The following OTOG variants were observed in gnomAD, a reference collection of about 807,000 sequenced individuals.
OTOG encodes the protein otogelin.
OTOG carries 296 observed loss-of-function variants against 313.8 expected under a neutral mutation model. The observed-to-expected ratio is 0.94, with a 90% CI of 0.86 to 1.04. The LOEUF (loss-of-function observed/expected upper bound fraction) is 1.04, where lower values mean the gene tolerates loss of function less well. Ranked by LOEUF, OTOG falls within the 50% of genes least tolerant of loss-of-function variation. OTOG has a pLI of 0.00. For missense variants in OTOG, 3,948 were observed against 3,840.1 expected (o/e 1.03, Z -0.74); for synonymous variants, 1,533 against 1,554.9 (o/e 0.99, Z 0.33).
chr11:17,634,501 C>T (rs1156886773), intron 44 of OTOG, among the ~76,000 whole-genome samples: 1 of 151,908 alleles, frequency 6.6e-6, no homozygotes, highest in Non-Finnish European at 1.5e-5. Flanking sequence ...GGCCACTCTT[C>T]CTCCCCCACC....
rs780409247 is a variant in OTOG at position 17,593,328 on chromosome 11, G to A, written c.3141+1G>A. 6.4e-7 allele frequency: 1 copy of A among 1,550,542 alleles called. No individual in the cohort carries two copies. The highest frequency in any genetic ancestry group is 8.7e-7 in the Non-Finnish European group (1 of 1,146,940). On this transcript the variant is annotated splice_donor_variant, in intron 26 of 55. Coordinates refer to ENST00000399397, the MANE Select transcript of OTOG (RefSeq NM_001292063.2). LOFTEE classifies it high-confidence loss of function. ...CTTTGATGATGACTCCGGAAATCCT[G>A]TAAGGCTCAGTGCCTGTGAAGGTTG...
At chr11:17,609,312 G>A (rs1853466231) in intron 35 of OTOG, 103 bp downstream of exon 35, 1 of 1,056,110 alleles carries the variant, frequency 9.5e-7, no homozygotes, top group South Asian at 1.5e-5. Context: ...AGAGAAGCAA[G>A]ATCAGCACAG....
At position 17,606,015 on chromosome 11, in the gene OTOG, GT is replaced by G. The variant is rs1192250435; in HGVS notation, c.4037del (p.Val1346GlyfsTer81). 11 of 1,550,576 alleles carry G rather than the reference GT, an allele frequency of 7.1e-6. No homozygotes were observed. In the East Asian group the frequency reaches 2.7e-4, roughly 38 times the overall value. On this transcript the variant is annotated frameshift_variant, in exon 33 of 56. Transcript: ENST00000399397. LOFTEE classifies it high-confidence loss of function. The stretch of plus-strand genomic sequence containing the variant: ...CCGGGGGACACGGCAGGCAGGCCTG[GT>G]GGCCCTGGAGTCCCTGGCCAAGCCC... ...LHRGTRQAGL[V>X]ALESLAKPSS...
intron 39 of OTOG, among the ~76,000 whole-genome samples, chr11:17,628,291 A>G (rs1417013283): frequency 3.9e-5 from 6 of 152,098 alleles, no homozygotes; most frequent in African/African-American, 1.4e-4. Flanking sequence ...GAAAAGTTTC[A>G]GTTTTTTTCA....
chr11:17,554,164 A>G (rs1051934494), intron 6 of OTOG, among the ~76,000 whole-genome samples: 2 of 152,176 alleles, frequency 1.3e-5, no homozygotes, highest in Non-Finnish European at 2.9e-5. Context: ...GACTCAGTTT[A>G]GAGTCACCTC....
At chr11:17,550,377 C>A (rs1460218817) in intron 3 of OTOG, among the ~76,000 whole-genome samples, 1 of 152,034 alleles carries the variant, frequency 6.6e-6, no homozygotes, top group African/African-American at 2.4e-5. Flanking sequence ...TCCTTTGTAA[C>A]CTTATCCTTT....
At chr11:17,607,633 G>A (rs531684123) in intron 33 of OTOG, among the ~76,000 whole-genome samples, 6 of 152,340 alleles carry the variant, frequency 3.9e-5, no homozygotes, top group East Asian at 1.9e-4. Context: ...TAGCCCAGCC[G>A]CCAGGGCAGT....
At chr11:17,630,046 C>T (rs980599539) in intron 40 of OTOG, among the ~76,000 whole-genome samples, 1 of 152,176 alleles carries the variant, frequency 6.6e-6, no homozygotes, top group Non-Finnish European at 1.5e-5. Context: ...TTCACACATT[C>T]CCATTCATGC....
intron 32 of OTOG, among the ~76,000 whole-genome samples, chr11:17,605,083 C>A (rs190219786): frequency 6.6e-6 from 1 of 152,242 alleles, no homozygotes. Context: ...GGCATGAATG[C>A]GCTTGCCCAC....
chr11:17,590,687 A>G (rs1852910352), intron 24 of OTOG, among the ~76,000 whole-genome samples: 1 of 151,934 alleles, frequency 6.6e-6, no homozygotes, highest in Non-Finnish European at 1.5e-5. Context: ...GCCTTATTGG[A>G]CCCATGTCAC....
intron 17 of OTOG, 50 bp from the exon 18 acceptor site, chr11:17,572,030 C>A: frequency 1.3e-6 from 2 of 1,548,360 alleles, no homozygotes; most frequent in South Asian, 2.4e-5. Context: ...ATTTGTGCCC[C>A]CTGAGTCCAC....
At position 17,561,657 on chromosome 11, in the gene OTOG, C is replaced by T. The variant is rs1322485381; in HGVS notation, c.1499-5C>T. 1.3e-6 allele frequency: 2 copies of T among 1,550,594 alleles called. No homozygotes were observed. Among genetic ancestry groups the T allele is most frequent in the Admixed American group, 2.0e-5 (1 of 51,008 alleles). On this transcript the variant is annotated splice_region_variant and splice_polypyrimidine_tract_variant and intron_variant, in intron 14 of 55. Coordinates refer to ENST00000399397, the MANE Select transcript of OTOG (RefSeq NM_001292063.2). ...ATGGGTCAGTGGCCTTTTTCTACCT[C>T]TCAGCTGAGTGCTCAGTGACTGGTG...
At chr11:17,613,194 CTTTTCTTTCTTTCTTT>C (rs1354725223) in intron 38 of OTOG, among the ~76,000 whole-genome samples, 43 of 48,642 alleles carry the variant, frequency 8.8e-4, no homozygotes, top group Non-Finnish European at 1.5e-3. Context: ...TTCTTTCTTT[CTTTTCTTTCTTTCTTT>C]CTTTCTTTCT....
Position 17,574,799 on chromosome 11 carries a change from T to C in OTOG, c.2373T>C (p.Pro791=), listed in dbSNP as rs1276731229. ...GTACCTGCCAGGACCTGGCCAGCCC[T>C]GAGGCCTGTGGGGTTGATGGTGGCG... ...CGRTCQDLAS[P]EACGVDGGDD... Residue 791 remains proline, a synonymous_variant, in exon 20 of 56, where the codon CCT becomes CCC. Coordinates refer to ENST00000399397, the MANE Select transcript of OTOG (RefSeq NM_001292063.2). The C allele has an allele frequency of 6.4e-7, 1 of 1,550,586 alleles. No individual in the cohort carries two copies.
chr11:17,596,698 T>A (rs557426441), intron 29 of OTOG, among the ~76,000 whole-genome samples, 153 bp from the exon 30 acceptor site: 5 of 152,246 alleles, frequency 3.3e-5, no homozygotes, highest in African/African-American at 1.2e-4. Flanking sequence ...GAGTTCTCGC[T>A]TCCTTGTCCT....
intron 7 of OTOG, among the ~76,000 whole-genome samples, chr11:17,556,877 T>A (rs982931819): frequency 6.6e-6 from 1 of 152,220 alleles, no homozygotes; most frequent in African/African-American, 2.4e-5. Flanking sequence ...AGAAAGGAAC[T>A]TGGAGTCACT....
intron 40 of OTOG, among the ~76,000 whole-genome samples, chr11:17,631,284 AT>A (rs1485438481): frequency 6.6e-6 from 1 of 151,966 alleles, no homozygotes. Context: ...GCTTATAAAA[AT>A]TTAGAACTTG....
chr11:17,632,397 TA>T (rs1854152962), intron 42 of OTOG, among the ~76,000 whole-genome samples, 171 bp downstream of exon 42: 1 of 152,076 alleles, frequency 6.6e-6, no homozygotes, highest in African/African-American at 2.4e-5. Context: ...AATTTATATT[TA>T]ATTTTTATAT....
intron 39 of OTOG, among the ~76,000 whole-genome samples, chr11:17,627,381 T>C (rs1039908105): frequency 6.6e-6 from 1 of 152,224 alleles, no homozygotes; most frequent in Non-Finnish European, 1.5e-5. Context: ...AATGATCATA[T>C]GGTTTTTTTG....
Sources: allele counts gnomAD v4.1 joint callset (sites outside exome capture counted in the v4.1 genomes callset), GRCh38; gene constraint gnomAD v4.1.1; transcripts MANE v1.5; gene names NCBI Gene and HGNC (gene_info 2026-07-23, HGNC 2026-07-21).